The following CCNJL variants were observed in gnomAD, a reference collection of about 807,000 sequenced individuals.
CCNJL encodes cyclin-J-like protein.
A neutral mutation model predicts 33.4 loss-of-function variants in CCNJL; 33 were observed. The observed-to-expected ratio is 0.99, with a 90% CI of 0.75 to 1.32. The LOEUF (loss-of-function observed/expected upper bound fraction) is 1.32. Ranked by LOEUF, CCNJL falls within the 40% of genes most tolerant of loss-of-function variation. CCNJL has a pLI of 0.00. For synonymous variants in CCNJL, 227 were observed against 220.9 expected (o/e 1.03, Z -0.24); for missense variants, 512 against 499.7 (o/e 1.02, Z -0.23).
chr5:160,283,216 ATTATG>A (rs990961140), intron 2 of CCNJL, among the ~76,000 whole-genome samples: 97 of 151,904 alleles, frequency 6.4e-4, no homozygotes, highest in African/African-American at 2.3e-3. Flanking sequence ...TCTTGAAAAC[ATTATG>A]TTAAGTGAAA....
chr5:160,329,341 G>A (rs1763577752), intron 1 of CCNJL, among the ~76,000 whole-genome samples: 1 of 150,940 alleles, frequency 6.6e-6, no homozygotes, highest in African/African-American at 2.4e-5. Flanking sequence ...AGTATGATAA[G>A]GAAGTCTTCT....
intron 5 of CCNJL, 24 bp from the exon 6 acceptor site, chr5:160,253,822 G>C (rs375125722): frequency 7.8e-5 from 116 of 1,491,224 alleles, no homozygotes; most frequent in Non-Finnish European, 1.0e-4. Context: ...ACCTGGGTGA[G>C]AACTGGAGGC....
At chr5:160,310,945 G>A (rs1389617505) in intron 2 of CCNJL, among the ~76,000 whole-genome samples, 1 of 152,170 alleles carries the variant, frequency 6.6e-6, no homozygotes, top group African/African-American at 2.4e-5. Context: ...TTCCAGAGCT[G>A]AAATAAATTT....
intron 1 of CCNJL, 145 bp downstream of exon 1, chr5:160,312,219 T>C (rs983178600): frequency 2.0e-6 from 1 of 490,448 alleles, no homozygotes; most frequent in South Asian, 2.7e-5. Flanking sequence ...TTTGCAAAAG[T>C]TGCAGAGAAA....
intron 1 of CCNJL, among the ~76,000 whole-genome samples, chr5:160,332,482 C>T (rs1048608477): frequency 2.0e-5 from 3 of 152,190 alleles, no homozygotes; most frequent in Non-Finnish European, 1.5e-5. Flanking sequence ...AGAGTAAAGG[C>T]CTATACCTAC....
Position 160,259,522 on chromosome 5 carries a change from G to A in CCNJL, c.530C>T (p.Thr177Ile). The A allele has an allele frequency of 6.2e-7, 1 of 1,614,184 alleles. No homozygotes were observed. The highest frequency in any genetic ancestry group is 1.7e-4 in the Middle Eastern group (1 of 6,058). Reference sequence around the variant, plus strand: ...GGCATACTCCTTGAGGCACTCTTTGGTCTTGCGGGGGCAGGTGGTGGGCCA... The same window carrying A: ...GGCATACTCCTTGAGGCACTCTTTGATCTTGCGGGGGCAGGTGGTGGGCCA... ...HTWPTTCPRK[T>I]KECLKEYAHY... The change falls in exon 4 of 6, where the codon ACC (threonine) becomes ATC (isoleucine). Residue 177 changes from threonine to isoleucine, a missense_variant. By Grantham distance (89) the Thr-to-Ile change is moderately conservative. Transcript: ENST00000257536.
chr5:160,250,969 T>G lies in CCNJL; in HGVS notation c.*2409A>C, dbSNP rs1309822274. On this transcript the variant is annotated 3_prime_UTR_variant, in exon 6 of 6. Transcript: ENST00000257536. ...GATGGAGGCTCAGAGAGAGGTTGGG[T>G]CAACTGCCTTCCAACAGCTGGTAAG... 1 of 152,198 alleles carries G rather than the reference T, an allele frequency of 6.6e-6. No individual in the cohort carries two copies. The highest frequency in any genetic ancestry group is 2.4e-5 in the African/African-American group (1 of 41,438). 9.4% of individuals were successfully genotyped at this position (152,198 alleles called of 1,614,324 possible).
chr5:160,302,398 T>G (rs1174820346), intron 2 of CCNJL, among the ~76,000 whole-genome samples: 1 of 152,244 alleles, frequency 6.6e-6, no homozygotes, highest in Non-Finnish European at 1.5e-5. Context: ...ATTCATTTGT[T>G]CAATATAAAT....
chr5:160,333,650 A>G (rs1289687119), intron 1 of CCNJL, among the ~76,000 whole-genome samples: 1 of 151,504 alleles, frequency 6.6e-6, no homozygotes, highest in Non-Finnish European at 1.5e-5. Flanking sequence ...AGCTTCCACT[A>G]TAATCCCCTT....
intron 1 of CCNJL, among the ~76,000 whole-genome samples, chr5:160,338,954 C>T (rs1466479350): frequency 6.6e-6 from 1 of 152,056 alleles, no homozygotes; most frequent in African/African-American, 2.4e-5. Flanking sequence ...CCATGCCCGG[C>T]AAATTTTTGT....
At chr5:160,339,290 C>T (rs1350299460) in intron 1 of CCNJL, among the ~76,000 whole-genome samples, 1 of 141,994 alleles carries the variant, frequency 7.0e-6, no homozygotes, top group African/African-American at 2.6e-5. Flanking sequence ...ATAAACAAAT[C>T]AAATGTATAA....
intron 2 of CCNJL, among the ~76,000 whole-genome samples, chr5:160,293,857 C>T (rs754997715): frequency 6.6e-6 from 1 of 152,128 alleles, no homozygotes; most frequent in Non-Finnish European, 1.5e-5. Flanking sequence ...ACAACCACTT[C>T]GTAAACAGCT....
At chr5:160,273,244 C>G (rs1193777362) in intron 3 of CCNJL, among the ~76,000 whole-genome samples, 1 of 152,194 alleles carries the variant, frequency 6.6e-6, no homozygotes, top group South Asian at 2.1e-4. Flanking sequence ...ATCAACTGAT[C>G]AGCCTATAAC....
chr5:160,277,442 G>C (rs773447808), intron 3 of CCNJL, among the ~76,000 whole-genome samples: 7 of 152,196 alleles, frequency 4.6e-5, no homozygotes, highest in Non-Finnish European at 8.8e-5. Flanking sequence ...ATTGCAGGAG[G>C]GGTGCTGTAT....
At chr5:160,272,404 TCTGCC>T (rs1761868123) in intron 3 of CCNJL, among the ~76,000 whole-genome samples, 1 of 152,164 alleles carries the variant, frequency 6.6e-6, no homozygotes, top group Non-Finnish European at 1.5e-5. Flanking sequence ...TTTAGTGGTA[TCTGCC>T]CTAAGACATG....
intron 3 of CCNJL, among the ~76,000 whole-genome samples, chr5:160,262,786 A>T (rs981610962): frequency 1.3e-5 from 2 of 152,212 alleles, no homozygotes; most frequent in Admixed American, 1.3e-4. Context: ...AGATTTTATG[A>T]GTTTCCTGAT....
chr5:160,279,524 G>C (rs976119460), intron 3 of CCNJL, among the ~76,000 whole-genome samples: 6 of 152,176 alleles, frequency 3.9e-5, no homozygotes, highest in Non-Finnish European at 8.8e-5. Flanking sequence ...GCTATCCATG[G>C]GGGGTGGTGG....
At chr5:160,274,411 A>T (rs1761939782) in intron 3 of CCNJL, among the ~76,000 whole-genome samples, 1 of 152,054 alleles carries the variant, frequency 6.6e-6, no homozygotes, top group South Asian at 2.1e-4. Context: ...ATGAGCCAAG[A>T]TCATGCCACT....
chr5:160,256,547 T>C (rs777888115), intron 4 of CCNJL, among the ~76,000 whole-genome samples: 1 of 152,266 alleles, frequency 6.6e-6, no homozygotes, highest in Non-Finnish European at 1.5e-5. Flanking sequence ...GTGCTAAATA[T>C]GTGCAAACAG....
Sources: gnomAD v4.1 joint callset for allele counts (sites outside exome capture counted in the v4.1 genomes callset) on GRCh38, gnomAD v4.1.1 for gene constraint, MANE v1.5 for transcripts, NCBI Gene and HGNC (gene_info 2026-07-23, HGNC 2026-07-21) for gene names.